CSGALNACT1: variants seen among roughly 807,000 people sequenced by gnomAD.
The protein encoded by CSGALNACT1 is chondroitin sulfate N-acetylgalactosaminyltransferase 1.
Under a neutral mutation model 51.0 loss-of-function variants are expected in CSGALNACT1, and 52 were observed. The observed-to-expected ratio is 1.02, with a 90% CI of 0.82 to 1.29. The LOEUF (loss-of-function observed/expected upper bound fraction) is 1.29, where lower values mean the gene tolerates loss of function less well. CSGALNACT1 is among the 50% of genes most tolerant of loss of function. The pLI is 0.00. For synonymous variants in CSGALNACT1, 341 were observed against 254.4 expected, an observed-to-expected ratio of 1.34 and a Z score of -3.24; for missense variants, 935 against 679.2, an observed-to-expected ratio of 1.38 and a Z score of -4.19.
intron 1 of CSGALNACT1, among the ~76,000 whole-genome samples, chr8:19,623,187 G>T (rs6586850): frequency 0.95 from 144,248 of 152,324 alleles, 68,371 homozygotes; most frequent in South Asian, 0.98. Context: ...GACTTTAAGG[G>T]AAGAACCACT....
intron 3 of CSGALNACT1, among the ~76,000 whole-genome samples, chr8:19,564,297 C>T (rs2041447984): frequency 6.6e-6 from 1 of 152,114 alleles, no homozygotes; most frequent in Non-Finnish European, 1.5e-5. Context: ...ATTAGAATCC[C>T]TCTGGGCACA....
intron 3 of CSGALNACT1, among the ~76,000 whole-genome samples, chr8:19,553,620 C>CATTATATATATATATATATATATATATAT (rs1554697188): frequency 1.4e-5 from 1 of 71,580 alleles, no homozygotes; most frequent in Non-Finnish European, 2.5e-5. Flanking sequence ...TATATAAATA[C>CATTATATATATATATATATATATATATAT]ATATATATAT....
intron 1 of CSGALNACT1, among the ~76,000 whole-genome samples, chr8:19,732,245 C>T (rs1426655880): frequency 6.6e-6 from 1 of 151,874 alleles, no homozygotes; most frequent in Non-Finnish European, 1.5e-5. Flanking sequence ...CAAGAAAAAT[C>T]TGTCCTCAAA....
intron 6 of CSGALNACT1, among the ~76,000 whole-genome samples, chr8:19,438,326 G>C (rs1351330269): frequency 6.6e-6 from 1 of 152,152 alleles, no homozygotes; most frequent in African/African-American, 2.4e-5. Context: ...CCCTATCTAG[G>C]AATTGACATT....
At chr8:19,642,795 A>C (rs893003774) in intron 1 of CSGALNACT1, among the ~76,000 whole-genome samples, 1 of 152,064 alleles carries the variant, frequency 6.6e-6, no homozygotes, top group East Asian at 1.9e-4. Flanking sequence ...TCACAAAAAA[A>C]AAAAAAAATG....
At chr8:19,698,547 T>G (rs1369179099) in intron 1 of CSGALNACT1, among the ~76,000 whole-genome samples, 1 of 152,210 alleles carries the variant, frequency 6.6e-6, no homozygotes, top group African/African-American at 2.4e-5. Flanking sequence ...GCCGAAGAAT[T>G]AAGCAGAGGA....
intron 1 of CSGALNACT1, among the ~76,000 whole-genome samples, chr8:19,647,659 A>T (rs1039536711): frequency 6.6e-6 from 1 of 152,210 alleles, no homozygotes; most frequent in Non-Finnish European, 1.5e-5. Flanking sequence ...CAATGGCTGC[A>T]TAATTTACAA....
At chr8:19,530,840 A>G (rs568922718) in intron 3 of CSGALNACT1, among the ~76,000 whole-genome samples, 2 of 152,234 alleles carry the variant, frequency 1.3e-5, no homozygotes, top group Non-Finnish European at 2.9e-5. Context: ...AAAAAGAGTC[A>G]CACGAAATGA....
intron 3 of CSGALNACT1, among the ~76,000 whole-genome samples, chr8:19,561,084 C>A (rs143762405): frequency 1.3e-5 from 2 of 151,988 alleles, no homozygotes; most frequent in Admixed American, 1.3e-4. Context: ...CAGTGATAAC[C>A]ATAAATAATT....
intron 4 of CSGALNACT1, among the ~76,000 whole-genome samples, chr8:19,460,342 T>C (rs1245213181): frequency 6.6e-6 from 1 of 152,190 alleles, no homozygotes; most frequent in Non-Finnish European, 1.5e-5. Context: ...TTGTTATTGG[T>C]TATTGTTGTT....
intron 6 of CSGALNACT1, among the ~76,000 whole-genome samples, chr8:19,421,956 C>A (rs2058021515): frequency 2.0e-5 from 3 of 152,054 alleles, no homozygotes; most frequent in African/African-American, 7.2e-5. Flanking sequence ...GTGCCTGGGG[C>A]CCCATAAGTG....
chr8:19,508,939 A>C (rs1587514549), intron 3 of CSGALNACT1, among the ~76,000 whole-genome samples: 2 of 152,350 alleles, frequency 1.3e-5, no homozygotes, highest in African/African-American at 4.8e-5. Flanking sequence ...GAAATTCACT[A>C]GTATAAATTT....
intron 3 of CSGALNACT1, among the ~76,000 whole-genome samples, chr8:19,540,254 C>A (rs1300628677): frequency 1.3e-5 from 2 of 152,104 alleles, no homozygotes; most frequent in African/African-American, 4.8e-5. Context: ...TAATTATGCC[C>A]CTTCTGTCTG....
At chr8:19,422,363 T>C (rs1287963475) in intron 6 of CSGALNACT1, among the ~76,000 whole-genome samples, 1 of 152,112 alleles carries the variant, frequency 6.6e-6, no homozygotes, top group Non-Finnish European at 1.5e-5. Flanking sequence ...CAGCTAATTC[T>C]TAAAAATTTT....
At chr8:19,721,332 G>A (rs574770570) in intron 1 of CSGALNACT1, among the ~76,000 whole-genome samples, 3 of 152,110 alleles carry the variant, frequency 2.0e-5, no homozygotes, top group Middle Eastern at 3.2e-3. Context: ...CACCCACCAT[G>A]TATAGAAGGA....
At chr8:19,707,632 G>A (rs367881913) in intron 1 of CSGALNACT1, among the ~76,000 whole-genome samples, 2 of 151,700 alleles carry the variant, frequency 1.3e-5, no homozygotes, top group East Asian at 3.9e-4. Context: ...AGAGCTACAC[G>A]CAATGGAAGA....
At chr8:19,631,204 T>G (rs1294212211) in intron 1 of CSGALNACT1, among the ~76,000 whole-genome samples, 1 of 152,182 alleles carries the variant, frequency 6.6e-6, no homozygotes, top group African/African-American at 2.4e-5. Flanking sequence ...TCAACTTATG[T>G]TGAAATATCA....
chr8:19,755,985 T>C (rs1220873319), intron 1 of CSGALNACT1, among the ~76,000 whole-genome samples: 2 of 152,312 alleles, frequency 1.3e-5, no homozygotes, highest in Admixed American at 1.3e-4. Context: ...CCCTGTGTAT[T>C]ATGCACTATT....
intron 3 of CSGALNACT1, among the ~76,000 whole-genome samples, chr8:19,578,229 C>T (rs1386585737): frequency 6.6e-6 from 1 of 152,180 alleles, no homozygotes; most frequent in African/African-American, 2.4e-5. Flanking sequence ...AAATATTTAT[C>T]ACCATTTCTA....
Sources: gnomAD v4.1 joint callset for allele counts (sites outside exome capture counted in the v4.1 genomes callset) on GRCh38, gnomAD v4.1.1 for gene constraint, MANE v1.5 for transcripts, NCBI Gene and HGNC (gene_info 2026-07-23, HGNC 2026-07-21) for gene names.